The following FMO5 variants were observed in gnomAD, a reference collection of about 807,000 sequenced individuals.
The protein encoded by FMO5 is flavin-containing monooxygenase 5.
Under a neutral mutation model 43.6 loss-of-function variants are expected in FMO5, and 51 were observed. The ratio of observed to expected loss-of-function variants is 1.17; its 90% confidence interval spans 0.93 to 1.48. The LOEUF is 1.48. Among genes scored for constraint, FMO5 ranks in the 40% most tolerant of loss-of-function variants. The probability of loss-of-function intolerance (pLI) is 0.00; values close to 1 mark genes in which losing one functional copy is unlikely to be tolerated. For synonymous variants in FMO5, 187 were observed against 216.5 expected, an observed-to-expected ratio of 0.86 and a Z score of 1.20; for missense variants, 644 against 643.0, an observed-to-expected ratio of 1.00 and a Z score of -0.02.
intron 8 of FMO5, 65 bp from the exon 9 acceptor site, chr1:147,187,310 G>A (rs1655793952): frequency 7.4e-6 from 9 of 1,210,848 alleles, no homozygotes; most frequent in Admixed American, 2.3e-5. Context: ...ATCAATTACT[G>A]CCTTCTGAGT....
intron 8 of FMO5, among the ~76,000 whole-genome samples, chr1:147,188,994 G>A (rs1463562230): frequency 6.6e-6 from 1 of 152,208 alleles, no homozygotes; most frequent in African/African-American, 2.4e-5. Context: ...AGCAGTTTCC[G>A]GCCAGGTACG....
At chr1:147,184,759 T>G, downstream of FMO5, 1 of 1,172,522 alleles carries the variant, frequency 8.5e-7, no homozygotes, top group Non-Finnish European at 1.1e-6. The surrounding 1 kb of genome is among the most constrained non-coding windows in gnomAD (Gnocchi z 4.4). Context: ...CTAGCCGAGA[T>G]AGTGTTTATC....
In FMO5 at chr1:147,223,810, C is replaced by A. The variant is rs140468224; in HGVS notation, c.135+1085G>T. 2.2e-3 allele frequency: 635 copies of A among 286,332 alleles called. 3 individuals carry two copies. The highest frequency in any genetic ancestry group is 0.014 in the African/African-American group (606 of 44,178). 17.7% of individuals were successfully genotyped at this position (286,332 alleles called of 1,614,324 possible). A position where few individuals can be genotyped will look rare whatever the true frequency, so the allele number is the denominator to read the frequency against. Reference sequence around the variant, plus strand: ...CCTGCCATTAACCAGTTCACCCAGGCTTCGCACTGCCAAACAGCTACTGAC... The same window carrying A: ...CCTGCCATTAACCAGTTCACCCAGGATTCGCACTGCCAAACAGCTACTGAC... On this transcript the variant is annotated intron_variant, in intron 2 of 8. Coordinates refer to ENST00000254090, the MANE Select transcript of FMO5 (RefSeq NM_001461.4).
chr1:147,187,401 A>G (rs1655814181), intron 8 of FMO5, among the ~76,000 whole-genome samples, 156 bp from the exon 9 acceptor site: 2 of 152,178 alleles, frequency 1.3e-5, no homozygotes, highest in African/African-American at 4.8e-5. Context: ...GTCCTTAAGG[A>G]TCTTAGGACT....
At chr1:147,187,325 G>T in intron 8 of FMO5, 80 bp from the exon 9 acceptor site, 1 of 1,000,728 alleles carries the variant, frequency 1.0e-6, no homozygotes. Context: ...CTGAGTGCCT[G>T]CTATTGGCTC....
chr1:147,201,205 G>A lies in FMO5; in HGVS notation c.1130C>T (p.Ala377Val), dbSNP rs1553920811. The change falls in exon 7 of 9, where the codon GCC becomes GTC. Residue 377 changes from alanine to valine, a missense_variant. Transcript: ENST00000254090. ...TTGGAGCTCTGAAATGGGCATAATGGCTCCTAAGGGCTGAATCAAGCCTAT... is the reference window on the plus strand; with the variant it reads ...TTGGAGCTCTGAAATGGGCATAATGACTCCTAAGGGCTGAATCAAGCCTAT... ...AIIGLIQPLG[A>V]IMPISELQGR... 4.3e-6 allele frequency: 7 copies of A among 1,614,134 alleles called. No individual in the cohort carries two copies. The South Asian group carries it at 7.7e-5, about 18-fold the overall frequency.
At chr1:147,185,111 T>C (rs1553916774), downstream of FMO5, among the ~76,000 whole-genome samples, 1 of 152,042 alleles carries the variant, frequency 6.6e-6, no homozygotes, top group Admixed American at 6.5e-5. Context: ...TCTTAAGTTG[T>C]TTTGAGTTCA....
chr1:147,201,302 C>G lies in FMO5; in HGVS notation c.1033G>C (p.Val345Leu), dbSNP rs1658929764. Residue 345 changes from valine to leucine, a missense_variant, in exon 7 of 9, where the codon GTG (valine) becomes CTG (leucine). Transcript: ENST00000254090. Reference protein sequence around the residue: ...DFPFLEDSVKVVKNKISLYKK... With the variant: ...DFPFLEDSVKLVKNKISLYKK... ...TACAGGGATATCTTGTTTTTGACCA[C>G]TTTGACGGAATCTTCCAGAAATGGA... 2 of 1,614,074 alleles carry G rather than the reference C, an allele frequency of 1.2e-6. No homozygotes were observed. The highest frequency in any genetic ancestry group is 2.7e-5 in the African/African-American group (2 of 74,926).
intron 7 of FMO5, among the ~76,000 whole-genome samples, chr1:147,195,283 C>T (rs1182494771): frequency 2.0e-5 from 3 of 152,044 alleles, no homozygotes; most frequent in Admixed American, 1.3e-4. Context: ...GATATCCTAC[C>T]AAACCCAAAT....
chr1:147,217,184 G>C (rs1662151965), intron 2 of FMO5, among the ~76,000 whole-genome samples: 2 of 151,658 alleles, frequency 1.3e-5, no homozygotes, highest in Admixed American at 6.6e-5. Context: ...AGGTTGCGGT[G>C]ACAGAGATAG....
chr1:147,225,694 C>T (rs781861664), upstream of FMO5: 3 of 152,694 alleles, frequency 2.0e-5, no homozygotes, highest in Non-Finnish European at 2.9e-5. Flanking sequence ...AACCCCAAAG[C>T]CAGTTCTACT....
At position 147,215,895 on chromosome 1, in the gene FMO5, G is replaced by A; in HGVS notation, c.183C>T (p.Ile61=). ...AGCACATCATCTCTTTAGAAGTATT[G>A]ATGATCACTGATTTGTAAATACTGG... ...GRASIYKSVI[I]NTSKEMMCFS... The change falls in exon 3 of 9, where the codon ATC becomes ATT. Residue 61 remains isoleucine (I), a synonymous_variant. Coordinates refer to ENST00000254090, the MANE Select transcript of FMO5 (RefSeq NM_001461.4). 1 of 1,612,964 alleles carries A rather than the reference G, an allele frequency of 6.2e-7. No homozygotes were observed. The highest frequency in any genetic ancestry group is 1.1e-5 in the South Asian group (1 of 90,742).
In FMO5 at chr1:147,190,171, T is replaced by G; in HGVS notation, c.1256+6A>C. The G allele has an allele frequency of 6.3e-7, 1 of 1,585,540 alleles. No individual in the cohort carries two copies. ...AACCATATATCTTCCTGGGAGAGTT[T>G]CTTACCTTTTGTCAATTTCCTCTTG... On this transcript the variant is annotated splice_donor_region_variant and intron_variant, in intron 8 of 8. Transcript: ENST00000254090.
At chr1:147,187,919 T>C (rs587758916) in intron 8 of FMO5, among the ~76,000 whole-genome samples, 1 of 152,228 alleles carries the variant, frequency 6.6e-6, no homozygotes, top group Admixed American at 6.5e-5. Flanking sequence ...TTTTACTTTC[T>C]GTAATGAAAA....
Position 147,225,008 on chromosome 1 carries a change from C to A in FMO5, c.22G>T (p.Val8Leu). 1 of 1,613,986 alleles carries A rather than the reference C, an allele frequency of 6.2e-7. No individual in the cohort carries two copies. Among genetic ancestry groups the A allele is most frequent in the Admixed American group, 1.7e-5 (1 of 60,010 alleles). ...AGCCCGCTCACTCCTCCCCCAATCA[C>A]AGCAATTCTTTTCTTAGTCATGGTC... MTKKRIAVIGGGVSGLSS... is the reference protein window; with the variant it reads MTKKRIALIGGGVSGLSS... Residue 8 changes from valine to leucine, a missense_variant, in exon 2 of 9, where the codon GTG becomes TTG. Coordinates refer to ENST00000254090, the MANE Select transcript of FMO5 (RefSeq NM_001461.4).
downstream of FMO5, chr1:147,186,225 A>G (rs1553916955): frequency 1.5e-6 from 1 of 652,594 alleles, no homozygotes; most frequent in Admixed American, 6.3e-5. Context: ...TCATTGGCAG[A>G]TGGTAGATGA....
intron 8 of FMO5, among the ~76,000 whole-genome samples, chr1:147,188,869 A>T (rs1430270888): frequency 1.3e-5 from 2 of 152,146 alleles, no homozygotes; most frequent in African/African-American, 4.8e-5. Flanking sequence ...AAGTTAAAAT[A>T]AGATACTTTA....
intron 7 of FMO5, among the ~76,000 whole-genome samples, chr1:147,193,238 G>T (rs1192417646): frequency 3.9e-5 from 6 of 152,134 alleles, no homozygotes; most frequent in Admixed American, 2.6e-4. Context: ...TTAGTCTTGG[G>T]AGGGTGTATG....
At position 147,212,476 on chromosome 1, in the gene FMO5, A is replaced by C; in HGVS notation, c.547T>G (p.Phe183Val). ...HSRDYKNPEG[F>V]TGKRVIIIGI... ...ATTATAATGACTCTCTTTCCAGTGA[A>C]TCCCTCTGGGTTCTTATAGTCTCGA... The change falls in exon 5 of 9, where the codon TTC becomes GTC. Residue 183 changes from phenylalanine to valine, a missense_variant. By Grantham distance (50) the Phe-to-Val change is conservative. Transcript: ENST00000254090. 6.2e-7 allele frequency: 1 copy of C among 1,613,046 alleles called. No homozygotes were observed. The highest frequency in any genetic ancestry group is 8.5e-7 in the Non-Finnish European group (1 of 1,179,030).
Sources: allele counts gnomAD v4.1 joint callset (sites outside exome capture counted in the v4.1 genomes callset), GRCh38; gene constraint gnomAD v4.1.1; non-coding constraint Gnocchi (gnomAD v3.1); transcripts MANE v1.5; gene names NCBI Gene and HGNC (gene_info 2026-07-23, HGNC 2026-07-21).